Variants in STX17 observed in about 807,000 individuals in gnomAD.
STX17 encodes syntaxin-17.
In STX17, 29 loss-of-function variants were observed where a neutral mutation model predicts 35.9. The observed-to-expected ratio is 0.81, with a 90% CI of 0.60 to 1.10. The LOEUF (loss-of-function observed/expected upper bound fraction) is 1.10. Ranked by LOEUF, STX17 falls within the 50% of genes least tolerant of loss-of-function variation. The pLI, the probability that STX17 is intolerant of heterozygous loss-of-function variation, is 0.00. For synonymous variants in STX17, 92 were observed against 118.3 expected (o/e 0.78, Z 1.44); for missense variants, 312 against 352.3 (o/e 0.89, Z 0.92).
At chr9:99,945,507 C>T (rs1012706673) in intron 3 of STX17, among the ~76,000 whole-genome samples, 3 of 151,954 alleles carry the variant, frequency 2.0e-5, no homozygotes, top group Non-Finnish European at 4.4e-5. Flanking sequence ...TAGATACAAT[C>T]GCTTAAGTTT....
In STX17 at chr9:99,951,148, C is replaced by T. The variant is rs766115425; in HGVS notation, c.278C>T (p.Pro93Leu). 1.2e-6 allele frequency: 2 copies of T among 1,612,922 alleles called. No homozygotes were observed. Among genetic ancestry groups the T allele is most frequent in the East Asian group, 2.2e-5 (1 of 44,834 alleles). Residue 93 changes from proline to leucine, a missense_variant, in exon 4 of 8, where the codon CCT (proline) becomes CTT (leucine). Coordinates refer to ENST00000259400, the MANE Select transcript of STX17 (RefSeq NM_017919.3). ...DLVLLKRMID[P>L]VKEEASAATA... ...GTACTTCTGAAGAGAATGATAGATC[C>T]TGTTAAAGAAGAAGCATCAGCAGCA...
At chr9:99,909,624 T>C (rs901903277) in intron 1 of STX17, among the ~76,000 whole-genome samples, 6 of 152,142 alleles carry the variant, frequency 3.9e-5, no homozygotes, top group African/African-American at 1.2e-4. Flanking sequence ...TAAAAACAGA[T>C]GCATATGACA....
chr9:99,958,998 T>A (rs1417358065), intron 4 of STX17, among the ~76,000 whole-genome samples: 1 of 152,232 alleles, frequency 6.6e-6, no homozygotes, highest in African/African-American at 2.4e-5. Context: ...CAATAGTGAC[T>A]GATTATCATT....
chr9:99,946,685 C>G (rs1829489124), intron 3 of STX17, among the ~76,000 whole-genome samples: 1 of 152,142 alleles, frequency 6.6e-6, no homozygotes, highest in South Asian at 2.1e-4. Context: ...GGCAAATTCT[C>G]TCAGCTTTTG....
At chr9:99,942,610 T>C (rs1338905335) in intron 3 of STX17, among the ~76,000 whole-genome samples, 1 of 152,038 alleles carries the variant, frequency 6.6e-6, no homozygotes, top group African/African-American at 2.4e-5. Context: ...GTTTAAGAAA[T>C]CTTTCCTACC....
chr9:99,962,189 T>C (rs1321122933), intron 6 of STX17, among the ~76,000 whole-genome samples: 2 of 152,220 alleles, frequency 1.3e-5, no homozygotes, highest in Non-Finnish European at 2.9e-5. Context: ...TTTCTTGAAA[T>C]GTGTTACCTA....
chr9:99,908,684 G>A (rs1227002056), intron 1 of STX17, among the ~76,000 whole-genome samples: 3 of 151,584 alleles, frequency 2.0e-5, no homozygotes, highest in Non-Finnish European at 4.4e-5. Flanking sequence ...TGTGTTTTCT[G>A]TGCCTCAGCC....
At chr9:99,942,673 C>T (rs1170257391) in intron 3 of STX17, among the ~76,000 whole-genome samples, 2 of 152,066 alleles carry the variant, frequency 1.3e-5, no homozygotes, top group East Asian at 1.9e-4. Context: ...TTGCCTTTCA[C>T]ATTTAAGTCT....
At chr9:99,950,179 TA>T (rs1829565293) in intron 3 of STX17, among the ~76,000 whole-genome samples, 1 of 151,914 alleles carries the variant, frequency 6.6e-6, no homozygotes, top group Non-Finnish European at 1.5e-5. Context: ...AATCATTTGA[TA>T]AAAATCTAAC....
chr9:99,959,256 G>A (rs1829780058), intron 4 of STX17, among the ~76,000 whole-genome samples: 1 of 151,980 alleles, frequency 6.6e-6, no homozygotes, highest in Non-Finnish European at 1.5e-5. Context: ...AAAAATATGT[G>A]TGTAAGCTTG....
intron 2 of STX17, among the ~76,000 whole-genome samples, chr9:99,920,793 C>A (rs369164868): frequency 6.8e-6 from 1 of 146,960 alleles, no homozygotes; most frequent in Non-Finnish European, 1.5e-5. Context: ...TTCTCCTCCT[C>A]AAATATTTGG....
intron 1 of STX17, among the ~76,000 whole-genome samples, chr9:99,909,389 G>A (rs554665647): frequency 2.0e-5 from 3 of 152,344 alleles, no homozygotes; most frequent in African/African-American, 7.2e-5. Context: ...GAAGGGACGT[G>A]TGAAGAAATA....
rs190976658 is a variant in STX17 at position 99,971,779 on chromosome 9, G to A, written c.*3106G>A. 6.6e-6 allele frequency among the ~76,000 whole-genome samples: 1 copy of A among 152,220 alleles called. No individual in the cohort carries two copies. The highest frequency in any genetic ancestry group is 2.1e-4 in the South Asian group (1 of 4,836). ...CTCATGCCTGCAATCCCAGCACTTA[G>A]GGAGGCAGAGGCCAGAGGATCACTT... is the stretch of plus-strand genomic sequence containing the variant. On this transcript the variant is annotated 3_prime_UTR_variant, in exon 8 of 8. Transcript: ENST00000259400.
chr9:99,962,992 C>T (rs1002722938), intron 6 of STX17, among the ~76,000 whole-genome samples: 4 of 152,096 alleles, frequency 2.6e-5, no homozygotes, highest in African/African-American at 9.7e-5. Context: ...TTTCTATCTG[C>T]GTAGCACTGT....
intron 3 of STX17, among the ~76,000 whole-genome samples, chr9:99,942,547 C>T (rs569699042): frequency 6.6e-4 from 101 of 151,934 alleles, no homozygotes; most frequent in African/African-American, 2.2e-3. Context: ...AGTGCAGTGG[C>T]GCAATCATAG....
intron 3 of STX17, among the ~76,000 whole-genome samples, chr9:99,943,134 T>C (rs77856565): frequency 0.016 from 2,370 of 152,048 alleles, 60 homozygotes; most frequent in African/African-American, 0.055. Flanking sequence ...TTTGTTCGTT[T>C]GTTTGTTTGT....
At chr9:99,925,173 A>G (rs896313411) in intron 2 of STX17, among the ~76,000 whole-genome samples, 2 of 151,496 alleles carry the variant, frequency 1.3e-5, no homozygotes, top group Non-Finnish European at 2.9e-5. Context: ...TGGTTGCTTT[A>G]TGGTTCAGAG....
intron 2 of STX17, among the ~76,000 whole-genome samples, chr9:99,921,427 T>TACCCA (rs1409390129): frequency 6.6e-6 from 1 of 152,158 alleles, no homozygotes; most frequent in Non-Finnish European, 1.5e-5. Context: ...GTTATCATTG[T>TACCCA]TATATTTGTT....
chr9:99,921,442 T>C (rs553030667), intron 2 of STX17, among the ~76,000 whole-genome samples: 2 of 152,246 alleles, frequency 1.3e-5, no homozygotes, highest in East Asian at 3.9e-4. Context: ...TTTGTTATTA[T>C]ATGGAATTGT....
Sources: allele counts gnomAD v4.1 joint callset (sites outside exome capture counted in the v4.1 genomes callset), GRCh38; gene constraint gnomAD v4.1.1; transcripts MANE v1.5; gene names NCBI Gene and HGNC (gene_info 2026-07-23, HGNC 2026-07-21).